The following MAML2 variants were observed in gnomAD, a reference collection of about 807,000 sequenced individuals.
The protein encoded by MAML2 is mastermind like transcriptional coactivator 2, also known as mastermind-like protein 2.
In MAML2, 22 loss-of-function variants were observed where a neutral mutation model predicts 96.1. The observed-to-expected ratio is 0.23, with a 90% CI of 0.16 to 0.33. The LOEUF is 0.33. MAML2 is among the 10% of genes least tolerant of loss of function. MAML2 has a pLI of 1.00. For synonymous variants in MAML2, 561 were observed against 521.3 expected, an observed-to-expected ratio of 1.08 and a Z score of -1.04; for missense variants, 1,367 against 1,392.4, an observed-to-expected ratio of 0.98 and a Z score of 0.29.
Position 96,240,046 on chromosome 11 carries a change from A to G in MAML2, c.513+101337T>C, listed in dbSNP as rs117208733. ...ACAGTCTATGAGAATATATTAACTA[A>G]TAACTTTTTTCTTTGTGGCTATTAC... is the stretch of plus-strand genomic sequence containing the variant. On this transcript the variant is annotated intron_variant, in intron 1 of 4. Coordinates refer to ENST00000524717, the MANE Select transcript of MAML2 (RefSeq NM_032427.4). 2.8e-3 allele frequency among the ~76,000 whole-genome samples: 420 copies of G among 152,356 alleles called. 3 individuals are homozygous for G. The highest frequency in any genetic ancestry group is 4.5e-3 in the Non-Finnish European group (305 of 68,030).
At chr11:96,210,016 A>C (rs1249641830) in intron 1 of MAML2, among the ~76,000 whole-genome samples, 1 of 152,236 alleles carries the variant, frequency 6.6e-6, no homozygotes, top group Non-Finnish European at 1.5e-5. Flanking sequence ...AGTAGTTAAC[A>C]ATACCTAACT....
At chr11:95,993,151 C>T (rs1230787433) in intron 2 of MAML2, among the ~76,000 whole-genome samples, 8 of 151,004 alleles carry the variant, frequency 5.3e-5, no homozygotes, top group African/African-American at 1.9e-4. Flanking sequence ...CTCAAGTGAT[C>T]CTAGATCCTT....
intron 2 of MAML2, among the ~76,000 whole-genome samples, chr11:96,036,078 C>T (rs1436669656): frequency 6.6e-6 from 1 of 152,138 alleles, no homozygotes; most frequent in African/African-American, 2.4e-5. Context: ...AACTTTACCA[C>T]AGTATTATGT....
intron 2 of MAML2, among the ~76,000 whole-genome samples, chr11:96,021,015 CT>C (rs906457993): frequency 2.6e-5 from 4 of 152,046 alleles, no homozygotes; most frequent in African/African-American, 7.2e-5. Context: ...GATTTCTTCC[CT>C]TTTTTTCTTT....
chr11:96,037,053 G>C (rs1017797474), intron 2 of MAML2, among the ~76,000 whole-genome samples: 3 of 152,186 alleles, frequency 2.0e-5, no homozygotes, highest in Non-Finnish European at 4.4e-5. Flanking sequence ...CTGCCGTCGG[G>C]AGCCAACGCA....
At chr11:96,049,345 T>C (rs1257831816) in intron 2 of MAML2, among the ~76,000 whole-genome samples, 2 of 152,230 alleles carry the variant, frequency 1.3e-5, no homozygotes, top group African/African-American at 4.8e-5. Flanking sequence ...TTGTCTCACA[T>C]ATATTTTCAT....
chr11:96,199,042 A>C (rs1199919233), intron 1 of MAML2, among the ~76,000 whole-genome samples: 1 of 151,654 alleles, frequency 6.6e-6, no homozygotes, highest in African/African-American at 2.4e-5. Flanking sequence ...ATAAAAATAC[A>C]AAAAAATTAG....
chr11:96,282,085 T>TA (rs1863075821), intron 1 of MAML2, among the ~76,000 whole-genome samples: 1 of 151,690 alleles, frequency 6.6e-6, no homozygotes, highest in African/African-American at 2.4e-5. Context: ...CCATCTCTAC[T>TA]AAAAATACAA....
At chr11:96,096,007 A>G (rs1859820292) in intron 1 of MAML2, among the ~76,000 whole-genome samples, 2 of 152,196 alleles carry the variant, frequency 1.3e-5, no homozygotes, top group Admixed American at 6.5e-5. Flanking sequence ...ACCACTGTCT[A>G]TCCTCATGGG....
chr11:95,998,062 T>C (rs576165690), intron 2 of MAML2, among the ~76,000 whole-genome samples: 1 of 152,274 alleles, frequency 6.6e-6, no homozygotes, highest in South Asian at 2.1e-4. Flanking sequence ...ACTCTTTATA[T>C]AGCAACAGCT....
At chr11:96,240,931 G>A (rs1862430467) in intron 1 of MAML2, among the ~76,000 whole-genome samples, 2 of 152,150 alleles carry the variant, frequency 1.3e-5, no homozygotes, top group Admixed American at 1.3e-4. Flanking sequence ...ATAATTCCCT[G>A]TAGGGTATGT....
intron 1 of MAML2, among the ~76,000 whole-genome samples, chr11:96,327,346 T>TC (rs1351851360): frequency 6.6e-6 from 1 of 152,204 alleles, no homozygotes; most frequent in Non-Finnish European, 1.5e-5. Context: ...ATGGAGTTTT[T>TC]CCTTAGTTTC....
chr11:96,068,428 G>C (rs1859277164), intron 2 of MAML2, among the ~76,000 whole-genome samples: 1 of 57,234 alleles, frequency 1.7e-5, no homozygotes. Flanking sequence ...ATTTCCTGGG[G>C]GAGCTTACTT....
At chr11:96,208,511 A>G (rs1311816694) in intron 1 of MAML2, among the ~76,000 whole-genome samples, 1 of 152,226 alleles carries the variant, frequency 6.6e-6, no homozygotes, top group East Asian at 1.9e-4. Flanking sequence ...TGTTTCATTT[A>G]TTTCATGTAG....
At chr11:96,309,325 C>A (rs141072329) in intron 1 of MAML2, among the ~76,000 whole-genome samples, 1 of 152,124 alleles carries the variant, frequency 6.6e-6, no homozygotes, top group Admixed American at 6.6e-5. Context: ...TAGAAGGATT[C>A]GAATAACTGC....
intron 1 of MAML2, among the ~76,000 whole-genome samples, chr11:96,147,186 A>G (rs1215559712): frequency 6.6e-6 from 1 of 152,238 alleles, no homozygotes; most frequent in Non-Finnish European, 1.5e-5. Context: ...CTATACAGCT[A>G]AACTTTTTTC....
rs550590736 is a variant in MAML2, at chr11:96,073,396, C to T, written c.2139+18496G>A. On this transcript the variant is annotated intron_variant, in intron 2 of 4. Transcript: ENST00000524717. ...AGTGCAGTGGTGCTATCTCAGCTCA[C>T]TGCAAGCTCCACCTCTCGGATTCAC... is the stretch of plus-strand genomic sequence containing the variant. Among the ~76,000 whole-genome samples, 3 of 149,656 alleles carry T rather than the reference C, an allele frequency of 2.0e-5. No individual in the cohort carries two copies. In the East Asian group the frequency reaches 5.9e-4, roughly 29 times the overall value.
At chr11:96,331,817 CAAAAAAAAA>C (rs200355506) in intron 1 of MAML2, among the ~76,000 whole-genome samples, 3 of 74,720 alleles carry the variant, frequency 4.0e-5, no homozygotes, top group African/African-American at 9.0e-5. Context: ...GACTCCATCT[CAAAAAAAAA>C]AAAAAAAAGC....
chr11:96,072,125 A>G (rs1466670276), intron 2 of MAML2, among the ~76,000 whole-genome samples: 1 of 152,192 alleles, frequency 6.6e-6, no homozygotes, highest in Non-Finnish European at 1.5e-5. Flanking sequence ...TCAAGTAGCT[A>G]TAGAATATCT....
Sources: gnomAD v4.1 joint callset for allele counts (sites outside exome capture counted in the v4.1 genomes callset) on GRCh38, gnomAD v4.1.1 for gene constraint, MANE v1.5 for transcripts, NCBI Gene and HGNC (gene_info 2026-07-23, HGNC 2026-07-21) for gene names.